DNAAF1: variants seen among roughly 807,000 people sequenced by gnomAD.
DNAAF1 encodes the protein dynein assembly factor 1, axonemal.
DNAAF1 carries 65 observed loss-of-function variants against 71.1 expected under a neutral mutation model. The ratio of observed to expected loss-of-function variants is 0.91; its 90% CI spans 0.75 to 1.12. DNAAF1 has a LOEUF of 1.12. Ranked by LOEUF, DNAAF1 falls within the 50% of genes most tolerant of loss-of-function variation. The pLI is 0.00. For missense variants in DNAAF1, 1,178 were observed against 899.8 expected (o/e 1.31, Z -3.96); for synonymous variants, 414 against 354.6 (o/e 1.17, Z -1.88).
At chr16:84,171,761 G>A (rs1263127339) in intron 8 of DNAAF1, among the ~76,000 whole-genome samples, 1 of 152,136 alleles carries the variant, frequency 6.6e-6, no homozygotes, top group Non-Finnish European at 1.5e-5. Context: ...CATGGGATTC[G>A]CCTCCAGATT....
intron 5 of DNAAF1, chr16:84,159,335 C>T (rs2087592477): frequency 5.7e-6 from 5 of 880,356 alleles, no homozygotes; most frequent in African/African-American, 1.8e-5. Flanking sequence ...GGCAGAGATT[C>T]ATTTCAGTAA....
intron 11 of DNAAF1, 25 bp downstream of exon 11, chr16:84,176,324 A>C: frequency 6.2e-7 from 1 of 1,612,752 alleles, no homozygotes; most frequent in Non-Finnish European, 8.5e-7. Flanking sequence ...CCGAGAGCAC[A>C]GTGGAGACAA....
At chr16:84,147,791 C>G (rs1158910532) in intron 1 of DNAAF1, among the ~76,000 whole-genome samples, 1 of 151,894 alleles carries the variant, frequency 6.6e-6, no homozygotes, top group Non-Finnish European at 1.5e-5. Flanking sequence ...TAAGGGTGGG[C>G]ACGGTGGCTC....
At chr16:84,149,228 G>A (rs2087068339) in intron 2 of DNAAF1, 86 bp downstream of exon 2, 2 of 1,544,996 alleles carry the variant, frequency 1.3e-6, no homozygotes, top group Non-Finnish European at 1.8e-6. Flanking sequence ...ATGAAATAGA[G>A]GCTGGTAGAG....
intron 1 of DNAAF1, among the ~76,000 whole-genome samples, chr16:84,147,078 C>T (rs879568456): frequency 2.6e-5 from 4 of 152,096 alleles, no homozygotes; most frequent in Admixed American, 6.6e-5. Flanking sequence ...CTTAACCTCT[C>T]GGAGCCTTAG....
At position 84,145,374 on chromosome 16, in the gene DNAAF1, G is replaced by T; in HGVS notation, c.-67G>T. ...GGTACTCTCTGGCTGGGCTGGGGCCGTAGCGACGTCCGCCGCGAACCTGGG... is the reference window on the plus strand; with the variant it reads ...GGTACTCTCTGGCTGGGCTGGGGCCTTAGCGACGTCCGCCGCGAACCTGGG... On this transcript the variant is annotated 5_prime_UTR_variant, in exon 1 of 12. Transcript: ENST00000378553. 6.5e-7 allele frequency: 1 copy of T among 1,549,734 alleles called. No individual in the cohort carries two copies. The highest frequency in any genetic ancestry group is 1.2e-5 in the South Asian group (1 of 84,270).
chr16:84,155,472 C>T (rs1296770481), intron 4 of DNAAF1, 111 bp from the exon 5 acceptor site: 2 of 1,239,242 alleles, frequency 1.6e-6, no homozygotes, highest in East Asian at 4.6e-5. Context: ...TCGAAAGATT[C>T]TCCCGCTTTA....
At position 84,145,576 on chromosome 16, in the gene DNAAF1, C is replaced by A. The variant is rs375586546; in HGVS notation, c.124+12C>A. ...GGGCTGCAAGGAAGGTGCCGACTGC[C>A]CCCCAGGGAGGGCGGTGGGCGAGGG... On this transcript the variant is annotated intron_variant, in intron 1 of 11. Coordinates refer to ENST00000378553, the MANE Select transcript of DNAAF1 (RefSeq NM_178452.6). 12 of 1,544,608 alleles carry A rather than the reference C, an allele frequency of 7.8e-6. 1 individual carries two copies. In the South Asian group the frequency reaches 1.3e-4, roughly 17 times the overall value.
rs1270404368 is a variant in DNAAF1 at position 84,145,497 on chromosome 16, G to A, written c.57G>A (p.Ala19=). The part of the protein sequence containing the change: ...ATGGAAELDC[A]QEPGVEESAG... ...GTGGTGCAGCAGAGCTGGATTGCGC[G>A]CAGGAGCCCGGCGTGGAGGAGTCTG... The change falls in exon 1 of 12, where the codon GCG becomes GCA. Residue 19 remains alanine (A), a synonymous_variant. Transcript: ENST00000378553. 6.4e-7 allele frequency: 1 copy of A among 1,567,188 alleles called. No individual in the cohort carries two copies. Among genetic ancestry groups the A allele is most frequent in the South Asian group, 1.2e-5 (1 of 85,226 alleles).
intron 7 of DNAAF1, among the ~76,000 whole-genome samples, chr16:84,166,677 A>AT (rs1489762913): frequency 6.6e-6 from 1 of 152,060 alleles, no homozygotes; most frequent in Non-Finnish European, 1.5e-5. Flanking sequence ...CTGGCCAGGG[A>AT]TTTTTTTAAA....
At chr16:84,174,853 C>CTT in intron 10 of DNAAF1, 131 bp downstream of exon 10, 1 of 1,213,274 alleles carries the variant, frequency 8.2e-7, no homozygotes, top group African/African-American at 1.5e-5. Flanking sequence ...CCCCCATATT[C>CTT]TTTTTCTTTT....
chr16:84,172,122 C>T (rs2088387929), intron 8 of DNAAF1, 138 bp from the exon 9 acceptor site: 1 of 789,758 alleles, frequency 1.3e-6, no homozygotes, highest in Non-Finnish European at 2.2e-6. Flanking sequence ...TGTGATCCGC[C>T]CACCTTGGCC....
intron 2 of DNAAF1, among the ~76,000 whole-genome samples, chr16:84,149,916 T>C (rs2087105729): frequency 6.6e-6 from 1 of 151,550 alleles, no homozygotes; most frequent in Non-Finnish European, 1.5e-5. Flanking sequence ...TCCCAGCTAC[T>C]CGGGAGGCTG....
At position 84,176,106 on chromosome 16, in the gene DNAAF1, C is replaced by T. The variant is rs745319379; in HGVS notation, c.1872C>T (p.Ile624=). Residue 624 remains isoleucine (I), a synonymous_variant, in exon 11 of 12, where the codon ATC becomes ATT. Transcript: ENST00000378553. ...CGGCTCGGGTGCCCTTCACAGACATCTTTAAAAAAGAAGCTAAGAGGGACT... is the reference window on the plus strand; with the variant it reads ...CGGCTCGGGTGCCCTTCACAGACATTTTTAAAAAAGAAGCTAAGAGGGACT... ...SKAARVPFTD[I]FKKEAKRDLE... 5 of 1,613,980 alleles carry T rather than the reference C, an allele frequency of 3.1e-6. No homozygotes were observed. Among genetic ancestry groups the T allele is most frequent in the Non-Finnish European group, 2.5e-6 (3 of 1,179,956 alleles).
intron 5 of DNAAF1, among the ~76,000 whole-genome samples, chr16:84,158,371 G>A (rs77503493): frequency 0.063 from 9,577 of 152,134 alleles, 562 homozygotes; most frequent in African/African-American, 0.16. Flanking sequence ...CCTCTGTGCC[G>A]TGTGTTCTCT....
rs550123027 is a variant in DNAAF1 at position 84,155,144 on chromosome 16, G to A, written c.574+346G>A. ...AGGATGGTCTCGATCTCCTGACCTC[G>A]TGATCCGCCCGCCTTGGCCTCCCAA... On this transcript the variant is annotated intron_variant, in intron 4 of 11. Transcript: ENST00000378553. Among the ~76,000 whole-genome samples, 13 of 152,262 alleles carry A rather than the reference G, an allele frequency of 8.5e-5. No individual in the cohort carries two copies. The South Asian group carries it at 1.0e-3, about 12-fold the overall frequency.
At position 84,172,349 on chromosome 16, in the gene DNAAF1, G is replaced by A. The variant is rs752285725; in HGVS notation, c.1618G>A (p.Glu540Lys). The stretch of plus-strand genomic sequence containing the variant: ...GGAAGATTTAGAAACCATTAGACTG[G>A]AGACAAAGGAGACATTCTGCATTGA... ...RTEDLETIRL[E>K]TKETFCIDDL... Residue 540 changes from glutamate to lysine, a missense_variant, in exon 9 of 12, where the codon GAG becomes AAG. By Grantham distance (56) the Glu-to-Lys change is moderately conservative (BLOSUM62 1). Coordinates refer to ENST00000378553, the MANE Select transcript of DNAAF1 (RefSeq NM_178452.6). 6.2e-7 allele frequency: 1 copy of A among 1,614,118 alleles called. No individual in the cohort carries two copies.
At chr16:84,152,402 CAGCAA>C (rs2087227334) in intron 3 of DNAAF1, among the ~76,000 whole-genome samples, 1 of 152,146 alleles carries the variant, frequency 6.6e-6, no homozygotes, top group African/African-American at 2.4e-5. Flanking sequence ...CCTGTGATCC[CAGCAA>C]TGTGGGAGGC....
At chr16:84,172,155 G>A in intron 8 of DNAAF1, 105 bp from the exon 9 acceptor site, 2 of 1,060,406 alleles carry the variant, frequency 1.9e-6, no homozygotes, top group East Asian at 2.6e-5. Context: ...GGGATTACAG[G>A]CATGAGCCAC....
Sources: gnomAD v4.1 joint callset for allele counts (sites outside exome capture counted in the v4.1 genomes callset) on GRCh38, gnomAD v4.1.1 for gene constraint, MANE v1.5 for transcripts, NCBI Gene and HGNC (gene_info 2026-07-23, HGNC 2026-07-21) for gene names.